POLR2F: variants seen among roughly 807,000 people sequenced by gnomAD.
POLR2F encodes the protein DNA-directed RNA polymerases I, II, and III subunit RPABC2.
POLR2F carries 12 observed loss-of-function variants against 22.7 expected under a neutral mutation model. The ratio of observed to expected loss-of-function variants is 0.53; its 90% CI spans 0.34 to 0.86. POLR2F has a LOEUF of 0.86. Among genes scored for constraint, POLR2F ranks in the 40% least tolerant of loss-of-function variants. POLR2F has a pLI of 0.02. For synonymous variants in POLR2F, 57 were observed against 66.0 expected (o/e 0.86, Z 0.66); for missense variants, 126 against 171.5 (o/e 0.73, Z 1.48).
At chr22:37,973,927 G>A, downstream of POLR2F, 1 of 1,610,358 alleles carries the variant, frequency 6.2e-7, no homozygotes, top group Non-Finnish European at 8.5e-7. Context: ...CCACGGCCAG[G>A]GCACTGCCCA....
intron 1 of POLR2F, among the ~76,000 whole-genome samples, chr22:37,956,092 G>A (rs1569160846): frequency 6.7e-6 from 1 of 149,892 alleles, no homozygotes; most frequent in African/African-American, 2.5e-5. Flanking sequence ...TTTTGCGGTG[G>A]CGGGGGGGGG....
intron 1 of POLR2F, among the ~76,000 whole-genome samples, chr22:37,993,210 C>T (rs1184023822): frequency 6.6e-6 from 1 of 152,186 alleles, no homozygotes; most frequent in Non-Finnish European, 1.5e-5. Context: ...TTTGTCCTTT[C>T]ACCACTGGCA....
At chr22:37,985,840 C>G (rs1242909891), upstream of POLR2F, among the ~76,000 whole-genome samples, 3 of 152,080 alleles carry the variant, frequency 2.0e-5, no homozygotes, top group African/African-American at 7.2e-5. Context: ...CACACACACA[C>G]ACACACACAC....
At chr22:37,959,791 T>C (rs1391765593) in intron 3 of POLR2F, among the ~76,000 whole-genome samples, 1 of 150,872 alleles carries the variant, frequency 6.6e-6, no homozygotes, top group Non-Finnish European at 1.5e-5. Context: ...AGAGCCAATG[T>C]GTACCAGTGT....
At position 38,014,136 on chromosome 22, in the gene POLR2F, A is replaced by G. The variant is rs573412012; in HGVS notation, c.121-11733A>G. On this transcript the variant is annotated intron_variant, in intron 1 of 2. Transcript: ENST00000333418. The stretch of plus-strand genomic sequence containing the variant: ...AAACTCTGTCTCAAAAAAAAAAAAA[A>G]AAAAAGAAAAAAGAAATATAATTGA... Among the ~76,000 whole-genome samples, 356 of 151,796 alleles carry G rather than the reference A, an allele frequency of 2.3e-3. 2 individuals are homozygous for G. Among genetic ancestry groups the G allele is most frequent in the Middle Eastern group, 3.4e-3 (1 of 294 alleles).
intron 4 of POLR2F, among the ~76,000 whole-genome samples, chr22:37,976,505 C>T (rs1336933038): frequency 1.3e-5 from 2 of 152,222 alleles, no homozygotes; most frequent in African/African-American, 4.8e-5. Flanking sequence ...GGACTCAGAG[C>T]GTGTCCTCTG....
chr22:37,969,632 A>T (rs966145579), downstream of POLR2F, among the ~76,000 whole-genome samples: 29 of 152,150 alleles, frequency 1.9e-4, no homozygotes, highest in African/African-American at 6.8e-4. Flanking sequence ...AGGAGTAGTG[A>T]ACAGACCACA....
intron 1 of POLR2F, among the ~76,000 whole-genome samples, chr22:38,001,399 A>G (rs2084768255): frequency 6.6e-6 from 1 of 152,246 alleles, no homozygotes; most frequent in African/African-American, 2.4e-5. Context: ...GAGTTGCATC[A>G]TATTAGATTC....
intron 1 of POLR2F, among the ~76,000 whole-genome samples, chr22:37,999,816 A>C (rs1452365709): frequency 1.3e-5 from 2 of 152,184 alleles, no homozygotes; most frequent in Non-Finnish European, 2.9e-5. Flanking sequence ...AAGAGAAGGT[A>C]ACAGGTGTCA....
chr22:37,967,421 C>T (rs929901793), intron 4 of POLR2F: 2 of 1,434,392 alleles, frequency 1.4e-6, no homozygotes, highest in African/African-American at 2.9e-5. Context: ...GAGGCCTTAC[C>T]AATATTCTGT....
intron 5 of POLR2F, among the ~76,000 whole-genome samples, chr22:38,037,780 A>G (rs1352778878): frequency 2.0e-5 from 3 of 152,014 alleles, no homozygotes; most frequent in African/African-American, 7.3e-5. Flanking sequence ...TTTAGTAGAG[A>G]TGAGGTTTCA....
At chr22:37,957,061 C>G (rs369509273) in intron 2 of POLR2F, among the ~76,000 whole-genome samples, 14 of 152,306 alleles carry the variant, frequency 9.2e-5, no homozygotes, top group African/African-American at 3.4e-4. Flanking sequence ...CCTGTGGCTT[C>G]TGGGGCAGTT....
chr22:37,977,628 AG>A (rs956847243), intron 4 of POLR2F, among the ~76,000 whole-genome samples: 1 of 151,846 alleles, frequency 6.6e-6, no homozygotes, highest in African/African-American at 2.4e-5. Flanking sequence ...CGGCCTCCAC[AG>A]TCTTTAACTG....
chr22:38,041,412 G>C (rs2145840811), downstream of POLR2F: 1 of 391,012 alleles, frequency 2.6e-6, no homozygotes, highest in South Asian at 4.8e-5. Flanking sequence ...CCAGGCGGGG[G>C]ATGGAGGGGA....
chr22:37,977,496 A>G (rs1569168987), intron 4 of POLR2F, among the ~76,000 whole-genome samples: 1 of 151,328 alleles, frequency 6.6e-6, no homozygotes, highest in Non-Finnish European at 1.5e-5. Flanking sequence ...AATTTTTTTT[A>G]TTTTTAGTAG....
chr22:38,025,674 C>A, intron 1 of POLR2F: 1 of 1,553,692 alleles, frequency 6.4e-7, no homozygotes, highest in South Asian at 1.3e-5. Flanking sequence ...TGACTTCTCC[C>A]GACAGTCCTG....
downstream of POLR2F, among the ~76,000 whole-genome samples, chr22:37,969,622 A>G (rs890415734): frequency 6.6e-6 from 1 of 152,164 alleles, no homozygotes; most frequent in Non-Finnish European, 1.5e-5. Context: ...CACGGCGAGC[A>G]GGAGTAGTGA....
At chr22:37,993,246 G>T (rs554746687) in intron 1 of POLR2F, among the ~76,000 whole-genome samples, 1 of 152,320 alleles carries the variant, frequency 6.6e-6, no homozygotes, top group South Asian at 2.1e-4. Context: ...AGGGGAAGGG[G>T]CTTGTCAAGG....
intron 1 of POLR2F, chr22:37,987,023 G>T (rs973676565): frequency 1.5e-5 from 7 of 456,276 alleles, no homozygotes; most frequent in Non-Finnish European, 2.6e-5. Flanking sequence ...CCTCATTCTT[G>T]ACCCTTCTCC....
Sources: allele counts gnomAD v4.1 joint callset (sites outside exome capture counted in the v4.1 genomes callset), GRCh38; gene constraint gnomAD v4.1.1; transcripts MANE v1.5; gene names NCBI Gene and HGNC (gene_info 2026-07-23, HGNC 2026-07-21).